The following ZNF350 variants were observed in gnomAD, a reference collection of about 807,000 sequenced individuals.
ZNF350 encodes KRAB zinc finger protein ZFQR.
In ZNF350, 5 loss-of-function variants were observed where a neutral mutation model predicts 13.1. That is an observed-to-expected ratio of 0.38 (90% confidence interval 0.20 to 0.80). ZNF350 has a LOEUF of 0.80. Among genes scored for constraint, ZNF350 ranks in the 30% least tolerant of loss-of-function variants. ZNF350 has a pLI of 0.43. For missense variants in ZNF350, 534 were observed against 644.2 expected, an observed-to-expected ratio of 0.83 and a Z score of 1.85; for synonymous variants, 199 against 224.2, an observed-to-expected ratio of 0.89 and a Z score of 1.00.
chr19:51,978,842 A>G (rs1225377414), intron 1 of ZNF350, among the ~76,000 whole-genome samples: 1 of 152,190 alleles, frequency 6.6e-6, no homozygotes, highest in African/African-American at 2.4e-5. Context: ...GCAGAAAGAC[A>G]TTGGCAAGTG....
rs2085893925 is a variant in ZNF350 at position 51,976,241 on chromosome 19, C to G, written c.-171-1710G>C. ...GCAGCTGACCCCTTCTTCCACCTCC[C>G]CTTCTCACTGTCTCTTTTGCCTAAT... On this transcript the variant is annotated intron_variant, in intron 1 of 4. Transcript: ENST00000243644. The surrounding 1 kb of genome is among the most constrained non-coding windows in gnomAD (Gnocchi z 4.5). The G allele has an allele frequency of 6.6e-6, 1 of 152,332 alleles. No homozygotes were observed. The highest frequency in any genetic ancestry group is 2.4e-5 in the African/African-American group (1 of 41,454). The allele number at this position is 152,332 out of a possible 1,614,324, so 9.4% of individuals were successfully genotyped here.
intron 4 of ZNF350, 141 bp downstream of exon 4, chr19:51,968,437 A>G (rs2085638166): frequency 1.4e-6 from 1 of 719,616 alleles, no homozygotes; most frequent in Non-Finnish European, 2.4e-6. Context: ...AATTCCTACA[A>G]AGAAAAACTG....
At chr19:51,986,600 C>G (rs868399359) in intron 1 of ZNF350, 170 bp downstream of exon 1, 1 of 152,876 alleles carries the variant, frequency 6.5e-6, no homozygotes, top group Non-Finnish European at 1.5e-5. Flanking sequence ...AGGGGGATCA[C>G]AGACTCCCAC....
chr19:51,985,862 C>CT (rs1476724225), intron 1 of ZNF350, among the ~76,000 whole-genome samples: 1 of 152,078 alleles, frequency 6.6e-6, no homozygotes, highest in East Asian at 1.9e-4. Context: ...CAAAAACTAG[C>CT]CGGGCGTGGT....
intron 1 of ZNF350, among the ~76,000 whole-genome samples, chr19:51,981,597 G>A (rs554297153): frequency 1.3e-5 from 2 of 152,212 alleles, no homozygotes; most frequent in Admixed American, 1.3e-4. Context: ...AAAATGATAT[G>A]GGAAGCTTGA....
At chr19:51,975,737 A>AT (rs1390230685) in intron 1 of ZNF350, among the ~76,000 whole-genome samples, 6 of 152,184 alleles carry the variant, frequency 3.9e-5, no homozygotes, top group Non-Finnish European at 7.4e-5. Context: ...TCTGGGGTTT[A>AT]TTTTATTTTA....
In ZNF350 at chr19:51,965,831, A is replaced by C. The variant is rs758056209; in HGVS notation, c.622T>G (p.Cys208Gly). ...ATGAAGGCTTTCCCACATTCACTGC[A>C]CACATGATGCTTCTCTAATTTTCGT... ...KTRKLEKHHV[C>G]SECGKAFIKK... The change falls in exon 5 of 5, where the codon TGC becomes GGC. Residue 208 changes from cysteine to glycine, a missense_variant. Cys to Gly is a radical substitution (Grantham distance 159, BLOSUM62 -3). Coordinates refer to ENST00000243644, the MANE Select transcript of ZNF350 (RefSeq NM_021632.4). The C allele has an allele frequency of 1.9e-6, 3 of 1,614,170 alleles. No individual in the cohort carries two copies. The highest frequency in any genetic ancestry group is 3.3e-5 in the Admixed American group (2 of 60,010).
rs4986771 is a variant in ZNF350 at position 51,965,039 on chromosome 19, A to G, written c.1414T>C (p.Ser472Pro). The G allele has an allele frequency of 0.035, 56,654 of 1,614,098 alleles. 1,191 individuals are homozygous for G. The highest frequency in any genetic ancestry group is 0.039 in the Non-Finnish European group (46,088 of 1,180,022). ...TQVPSVAPQTSLNISGLLANR... is the reference protein window; with the variant it reads ...TQVPSVAPQTPLNISGLLANR... ...GCGAGGAGGCCGCTGATGTTTAATG[A>G]TGTCTGAGGGGCCACAGAAGGCACT... The change falls in exon 5 of 5, where the codon TCA (serine) becomes CCA (proline). Residue 472 changes from serine (S) to proline (P), a missense_variant. Ser to Pro is a moderately conservative substitution (Grantham distance 74). Transcript: ENST00000243644.
Position 51,965,876 on chromosome 19 carries a change from T to C in ZNF350, c.577A>G (p.Ser193Gly). 2.5e-6 allele frequency: 4 copies of C among 1,614,146 alleles called. No homozygotes were observed. Among genetic ancestry groups the C allele is most frequent in the Middle Eastern group, 1.6e-4 (1 of 6,062 alleles). The change falls in exon 5 of 5, where the codon AGT becomes GGT. Residue 193 changes from serine (S) to glycine (G), a missense_variant. Ser to Gly is a moderately conservative substitution (Grantham distance 56). Coordinates refer to ENST00000243644, the MANE Select transcript of ZNF350 (RefSeq NM_021632.4). ...TTTCGTGTTTTCTGATGCTTGGGAC[T>C]GATGAATTGGGACTTAGTGCTGATG... ...KLISTKSQFISPKHQKTRKLE... is the reference protein window; with the variant it reads ...KLISTKSQFIGPKHQKTRKLE...
chr19:51,985,230 T>A (rs1331431635), intron 1 of ZNF350, among the ~76,000 whole-genome samples: 1 of 152,120 alleles, frequency 6.6e-6, no homozygotes, highest in African/African-American at 2.4e-5. Flanking sequence ...AGGAAAGGTG[T>A]TAACTCCAGA....
chr19:51,976,225 C>T lies in ZNF350; in HGVS notation c.-171-1694G>A, dbSNP rs1165690392. Among the ~76,000 whole-genome samples, 3 of 152,162 alleles carry T rather than the reference C, an allele frequency of 2.0e-5. No individual in the cohort carries two copies. Among genetic ancestry groups the T allele is most frequent in the Admixed American group, 6.5e-5 (1 of 15,278 alleles). On this transcript the variant is annotated intron_variant, in intron 1 of 4. Coordinates refer to ENST00000243644, the MANE Select transcript of ZNF350 (RefSeq NM_021632.4). The surrounding 1 kb of genome is among the most constrained non-coding windows in gnomAD (Gnocchi z 4.5). ...GACTACTCTGGACCGAGCAGCTGAC[C>T]CCTTCTTCCACCTCCCCTTCTCACT...
At position 51,965,505 on chromosome 19, in the gene ZNF350, T is replaced by C; in HGVS notation, c.948A>G (p.Lys316=). The C allele has an allele frequency of 1.2e-6, 2 of 1,614,192 alleles. No homozygotes were observed. The highest frequency in any genetic ancestry group is 1.7e-6 in the Non-Finnish European group (2 of 1,180,010). ...IVHQRIHTGE[K]PYICNECGKG... Reference sequence around the variant, plus strand: ...TTCCACATTCATTGCATATATAAGGTTTCTCACCTGTATGAATTCGCTGGT... The same window carrying C: ...TTCCACATTCATTGCATATATAAGGCTTCTCACCTGTATGAATTCGCTGGT... The change falls in exon 5 of 5, where the codon AAA becomes AAG. Residue 316 remains lysine, a synonymous_variant. Transcript: ENST00000243644.
At chr19:51,968,170 G>A (rs1367613137) in intron 4 of ZNF350, among the ~76,000 whole-genome samples, 2 of 152,136 alleles carry the variant, frequency 1.3e-5, no homozygotes. Flanking sequence ...GGTGTTAGGA[G>A]GGGAGGTCAG....
chr19:51,982,081 G>A (rs1281123370), intron 1 of ZNF350: 1 of 152,044 alleles, frequency 6.6e-6, no homozygotes. Context: ...AAAATTTAAT[G>A]TGACAATAGT....
intron 1 of ZNF350, among the ~76,000 whole-genome samples, chr19:51,983,638 A>G (rs2086105572): frequency 1.3e-5 from 2 of 152,232 alleles, no homozygotes; most frequent in African/African-American, 4.8e-5. Context: ...ATCAAGGCAC[A>G]GGACCTTTCC....
intron 2 of ZNF350, 102 bp from the exon 3 acceptor site, chr19:51,969,233 T>C (rs2085663918): frequency 2.2e-6 from 3 of 1,394,826 alleles, no homozygotes; most frequent in Non-Finnish European, 2.9e-6. Context: ...TGTGTGCATA[T>C]ACCAAATAGT....
At chr19:51,979,466 A>G (rs759509432) in intron 1 of ZNF350, among the ~76,000 whole-genome samples, 2 of 152,192 alleles carry the variant, frequency 1.3e-5, no homozygotes, top group Non-Finnish European at 2.9e-5. Flanking sequence ...ACTCCACTGG[A>G]AGGACTCCCT....
chr19:51,969,896 C>T (rs2085686076), intron 2 of ZNF350, among the ~76,000 whole-genome samples: 2 of 152,074 alleles, frequency 1.3e-5, no homozygotes, highest in Admixed American at 1.3e-4. Context: ...CTCCCATATA[C>T]ATTTCTGTTT....
intron 4 of ZNF350, 82 bp from the exon 5 acceptor site, chr19:51,966,296 T>G: frequency 7.0e-7 from 1 of 1,428,934 alleles, no homozygotes; most frequent in Non-Finnish European, 9.3e-7. Flanking sequence ...TTTTGTTTTT[T>G]TTTTTAAGAT....
Sources: gnomAD v4.1 joint callset for allele counts (sites outside exome capture counted in the v4.1 genomes callset) on GRCh38, gnomAD v4.1.1 for gene constraint, Gnocchi (gnomAD v3.1) non-coding constraint, MANE v1.5 for transcripts, NCBI Gene and HGNC (gene_info 2026-07-23, HGNC 2026-07-21) for gene names.